The following STAG1 variants were observed in gnomAD, a reference collection of about 807,000 sequenced individuals.
STAG1 encodes cohesin subunit SA-1.
In STAG1, 26 loss-of-function variants were observed where a neutral mutation model predicts 170.9. The observed-to-expected ratio is 0.15, with a 90% confidence interval of 0.11 to 0.21. STAG1 has a LOEUF of 0.21. STAG1 is among the 10% of genes least tolerant of loss of function. The pLI is 1.00. For synonymous variants in STAG1, 514 were observed against 497.7 expected (o/e 1.03, Z -0.44); for missense variants, 964 against 1,509.5 (o/e 0.64, Z 5.99).
intron 1 of STAG1, among the ~76,000 whole-genome samples, chr3:136,719,280 C>T (rs950450455): frequency 2.0e-5 from 3 of 151,884 alleles, no homozygotes; most frequent in African/African-American, 7.3e-5. Context: ...TAAATGATTC[C>T]AATTTTATGA....
At chr3:136,396,520 C>T (rs1235334365) in intron 22 of STAG1, among the ~76,000 whole-genome samples, 23 of 43,638 alleles carry the variant, frequency 5.3e-4, no homozygotes, top group African/African-American at 1.9e-3. Context: ...CGCGCCTGGC[C>T]TTTTTTTTTT....
At chr3:136,470,062 G>T (rs2089583910) in intron 12 of STAG1, among the ~76,000 whole-genome samples, 1 of 152,162 alleles carries the variant, frequency 6.6e-6, no homozygotes, top group Admixed American at 6.5e-5. Context: ...TACCATTCAG[G>T]ACATAGGCAT....
rs373228516 is a variant in STAG1, at chr3:136,480,686, C to T, written c.903-3274G>A. 6.8e-4 allele frequency among the ~76,000 whole-genome samples: 39 copies of T among 57,206 alleles called. 2 individuals are homozygous for T. The highest frequency in any genetic ancestry group is 1.3e-3 in the Non-Finnish European group (33 of 25,412). The allele number at this position is 57,206 out of a possible 152,430, so 37.5% of individuals were successfully genotyped here. A position where few individuals can be genotyped will look rare whatever the true frequency, so the allele number is the denominator to read the frequency against. ...ACCTTGGGCAGTATGGCCATTTTCA[C>T]GATATTGATTCTTCCTACCCATGAG... On this transcript the variant is annotated intron_variant, in intron 9 of 33. Coordinates refer to ENST00000383202, the MANE Select transcript of STAG1 (RefSeq NM_005862.3).
intron 4 of STAG1, among the ~76,000 whole-genome samples, chr3:136,595,324 C>G (rs1033142003): frequency 2.6e-5 from 4 of 152,144 alleles, no homozygotes; most frequent in Admixed American, 1.3e-4. Flanking sequence ...AGTCAAACAA[C>G]TAGGGACCAC....
At chr3:136,486,341 A>G (rs2090011627) in intron 9 of STAG1, among the ~76,000 whole-genome samples, 1 of 152,214 alleles carries the variant, frequency 6.6e-6, no homozygotes, top group Non-Finnish European at 1.5e-5. Context: ...CCTACTATTT[A>G]AAATTTCCAT....
At chr3:136,631,829 C>T (rs1187681881) in intron 1 of STAG1, among the ~76,000 whole-genome samples, 1 of 152,034 alleles carries the variant, frequency 6.6e-6, no homozygotes, top group Non-Finnish European at 1.5e-5. Flanking sequence ...GTTACAATTC[C>T]GGACAGAAAG....
At chr3:136,543,001 G>C (rs1218486223) in intron 5 of STAG1, among the ~76,000 whole-genome samples, 1 of 152,068 alleles carries the variant, frequency 6.6e-6, no homozygotes, top group East Asian at 1.9e-4. Context: ...CAAAACTATA[G>C]ATGGAGCTAT....
At chr3:136,509,117 A>C (rs1933924283) in intron 7 of STAG1, among the ~76,000 whole-genome samples, 1 of 152,262 alleles carries the variant, frequency 6.6e-6, no homozygotes, top group African/African-American at 2.4e-5. Flanking sequence ...TCACAGTACA[A>C]GTACAAGCAT....
chr3:136,364,028 G>A (rs140736803), intron 25 of STAG1, among the ~76,000 whole-genome samples: 70 of 152,124 alleles, frequency 4.6e-4, no homozygotes, highest in African/African-American at 1.6e-3. Context: ...CCAAAATGCT[G>A]GGATTACAGG....
intron 23 of STAG1, among the ~76,000 whole-genome samples, chr3:136,370,695 A>AT (rs1253742795): frequency 2.6e-5 from 4 of 152,092 alleles, no homozygotes; most frequent in African/African-American, 9.7e-5. Flanking sequence ...TGAACTCATC[A>AT]TTTTTTATGG....
chr3:136,354,754 C>CAAAAAAAAAAAAAAAAAAAAAAA lies in STAG1; in HGVS notation c.3065+2965_3065+2966insTTTTTTTTTTTTTTTTTTTTTTT. 6.1e-4 allele frequency among the ~76,000 whole-genome samples: 4 copies of CAAAAAAAAAAAAAAAAAAAAAAA among 6,516 alleles called. 1 individual carries two copies. Among genetic ancestry groups the CAAAAAAAAAAAAAAAAAAAAAAA allele is most frequent in the African/African-American group, 1.4e-3 (2 of 1,388 alleles). 4.3% of individuals were successfully genotyped at this position (6,516 alleles called of 152,430 possible). On this transcript the variant is annotated intron_variant, in intron 28 of 33. Transcript: ENST00000383202. ...AAGAAGGCAGTAAAGGAGAAAGAAC[C>CAAAAAAAAAAAAAAAAAAAAAAA]AAAAAAAAAAAAAACCAAAAAACAA...
intron 22 of STAG1, among the ~76,000 whole-genome samples, chr3:136,398,007 C>T (rs1044406095): frequency 1.3e-5 from 2 of 152,006 alleles, no homozygotes; most frequent in Non-Finnish European, 2.9e-5. Context: ...AGTACAATGG[C>T]GCGATCTTGG....
chr3:136,632,591 T>C (rs1940373993), intron 1 of STAG1, among the ~76,000 whole-genome samples: 1 of 152,130 alleles, frequency 6.6e-6, no homozygotes, highest in African/African-American at 2.4e-5. Context: ...AGAGACAGCA[T>C]ACAAGACAAG....
At chr3:136,688,878 A>G (rs1942627832) in intron 1 of STAG1, among the ~76,000 whole-genome samples, 2 of 152,204 alleles carry the variant, frequency 1.3e-5, no homozygotes. Flanking sequence ...ACACCAAAGG[A>G]AGAACCTGAG....
At chr3:136,454,136 C>G (rs1045986312) in intron 13 of STAG1, among the ~76,000 whole-genome samples, 1 of 152,056 alleles carries the variant, frequency 6.6e-6, no homozygotes, top group Admixed American at 6.6e-5. Flanking sequence ...ACTCTGTCAC[C>G]CAGGCTGGAG....
At chr3:136,618,339 A>G (rs1559912710) in intron 3 of STAG1, among the ~76,000 whole-genome samples, 3 of 152,240 alleles carry the variant, frequency 2.0e-5, no homozygotes, top group Admixed American at 1.3e-4. Flanking sequence ...CGTCAGGGAT[A>G]AGAACCCCTT....
chr3:136,446,106 G>A (rs1033789698), intron 14 of STAG1, among the ~76,000 whole-genome samples: 55 of 151,894 alleles, frequency 3.6e-4, no homozygotes, highest in Non-Finnish European at 6.5e-4. Context: ...GCATTTATCC[G>A]TTATCAAAAT....
rs188837881 is a variant in STAG1, at chr3:136,723,211, G to A, written c.-84+28984C>T. Among the ~76,000 whole-genome samples, 9 of 149,664 alleles carry A rather than the reference G, an allele frequency of 6.0e-5. No homozygotes were observed. The East Asian group carries it at 1.2e-3, about 20-fold the overall frequency. The stretch of plus-strand genomic sequence containing the variant: ...CTACCCAGTCTGGAAAGTGAGGAGC[G>A]TCTCTGCCCGGCTGCCATCCCATCT... On this transcript the variant is annotated intron_variant, in intron 1 of 33. Coordinates refer to ENST00000383202, the MANE Select transcript of STAG1 (RefSeq NM_005862.3).
intron 5 of STAG1, among the ~76,000 whole-genome samples, chr3:136,558,121 G>A (rs1309405325): frequency 6.6e-6 from 1 of 152,208 alleles, no homozygotes; most frequent in East Asian, 1.9e-4. Flanking sequence ...GCCAGGTGCG[G>A]TGGCTCATGC....
Sources: allele counts gnomAD v4.1 joint callset (sites outside exome capture counted in the v4.1 genomes callset), GRCh38; gene constraint gnomAD v4.1.1; transcripts MANE v1.5; gene names NCBI Gene and HGNC (gene_info 2026-07-23, HGNC 2026-07-21).